The following CCDC102B variants were observed in gnomAD, a reference collection of about 807,000 sequenced individuals.
CCDC102B encodes coiled-coil domain containing 102B, also known as coiled-coil domain-containing protein 102B.
In CCDC102B, 75 loss-of-function variants were observed where a neutral mutation model predicts 57.4. The ratio of observed to expected loss-of-function variants is 1.31; its 90% CI spans 1.08 to 1.58. The LOEUF (loss-of-function observed/expected upper bound fraction) is 1.58. Ranked by LOEUF, CCDC102B falls within the 40% of genes most tolerant of loss-of-function variation. The pLI, the probability that CCDC102B is intolerant of heterozygous loss-of-function variation, is 0.00. For synonymous variants in CCDC102B, 206 were observed against 201.9 expected (o/e 1.02, Z -0.17); for missense variants, 636 against 582.6 (o/e 1.09, Z -0.94).
downstream of CCDC102B, among the ~76,000 whole-genome samples, chr18:69,057,605 G>T (rs572292245): frequency 2.6e-5 from 4 of 152,150 alleles, no homozygotes; most frequent in African/African-American, 9.6e-5. Context: ...GGTTAGAGCA[G>T]GTTATAGGGA....
chr18:68,771,625 C>A (rs574989135), intron 2 of CCDC102B, among the ~76,000 whole-genome samples: 1 of 152,092 alleles, frequency 6.6e-6, no homozygotes, highest in Non-Finnish European at 1.5e-5. Flanking sequence ...AAGCGAGGAG[C>A]GGTAAGGGCT....
rs1169154917 is a variant in CCDC102B at position 69,054,287 on chromosome 18, C to T, written c.*150C>T. 1 of 1,311,112 alleles carries T rather than the reference C, an allele frequency of 7.6e-7. No individual in the cohort carries two copies. Among genetic ancestry groups the T allele is most frequent in the Non-Finnish European group, 9.7e-7 (1 of 1,035,840 alleles). 81.2% of individuals were successfully genotyped at this position (1,311,112 alleles called of 1,614,324 possible). A position where few individuals can be genotyped will look rare whatever the true frequency, so the allele number is the denominator to read the frequency against. On this transcript the variant is annotated 3_prime_UTR_variant, in exon 8 of 8. Transcript: ENST00000360242. ...CACAAATTAATGGGCTTCTTCACTTCTTCTAATTTTTGCCTAACAGATACT... is the reference window on the plus strand; with the variant it reads ...CACAAATTAATGGGCTTCTTCACTTTTTCTAATTTTTGCCTAACAGATACT...
chr18:68,808,392 A>G (rs2036109794), intron 1 of CCDC102B, among the ~76,000 whole-genome samples: 1 of 151,332 alleles, frequency 6.6e-6, no homozygotes, highest in Non-Finnish European at 1.5e-5. Context: ...TGCATGTATT[A>G]ATATTTCTCT....
chr18:68,984,525 A>G (rs907447266), intron 6 of CCDC102B, among the ~76,000 whole-genome samples: 4 of 152,132 alleles, frequency 2.6e-5, no homozygotes, highest in Admixed American at 2.0e-4. Flanking sequence ...TCTCCCTAGA[A>G]ACTATTTTTA....
chr18:68,954,312 C>T (rs867759187), intron 6 of CCDC102B, among the ~76,000 whole-genome samples: 8 of 152,034 alleles, frequency 5.3e-5, no homozygotes, highest in African/African-American at 9.7e-5. Flanking sequence ...CCCAGCTACT[C>T]GGGAGGCTTA....
intron 2 of CCDC102B, among the ~76,000 whole-genome samples, chr18:68,733,503 TA>T (rs1474633034): frequency 3.4e-4 from 28 of 81,226 alleles, no homozygotes; most frequent in African/African-American, 2.1e-3. Context: ...TATATATATA[TA>T]TATTTTTTTA....
chr18:68,752,380 CA>C (rs1478985295), intron 2 of CCDC102B, among the ~76,000 whole-genome samples: 2 of 148,924 alleles, frequency 1.3e-5, no homozygotes, highest in African/African-American at 5.0e-5. Flanking sequence ...AAATAACTGC[CA>C]AAAGTTTTCA....
intron 6 of CCDC102B, among the ~76,000 whole-genome samples, chr18:68,964,549 G>A (rs1430332527): frequency 6.6e-6 from 1 of 151,340 alleles, no homozygotes; most frequent in East Asian, 1.9e-4. Context: ...ATTATCTATT[G>A]GTTAAATTAA....
chr18:68,720,563 T>C (rs1399232455), intron 2 of CCDC102B, among the ~76,000 whole-genome samples: 1 of 152,200 alleles, frequency 6.6e-6, no homozygotes, highest in Admixed American at 6.5e-5. Flanking sequence ...ATGACCCTTA[T>C]AGAAAGAAGA....
intron 2 of CCDC102B, among the ~76,000 whole-genome samples, chr18:68,785,856 G>T (rs1451018780): frequency 6.6e-6 from 1 of 150,708 alleles, no homozygotes; most frequent in Non-Finnish European, 1.5e-5. Flanking sequence ...GTCAATTTTG[G>T]CTTTTGTTGC....
chr18:68,789,349 T>C (rs1261012035), intron 2 of CCDC102B, among the ~76,000 whole-genome samples: 1 of 152,112 alleles, frequency 6.6e-6, no homozygotes, highest in Non-Finnish European at 1.5e-5. Context: ...TGGCGTTCTC[T>C]GTATTTCCTG....
At chr18:68,899,646 T>C (rs2040367798) in intron 6 of CCDC102B, 1 of 152,128 alleles carries the variant, frequency 6.6e-6, no homozygotes, top group African/African-American at 2.4e-5. Context: ...CAAAGGTTTG[T>C]GGCAGACATA....
rs1042727192 is a variant in CCDC102B at position 68,726,979 on chromosome 18, T to C, written c.-67+10385T>C. 5.3e-5 allele frequency among the ~76,000 whole-genome samples: 8 copies of C among 152,184 alleles called. 1 individual carries two copies. Among genetic ancestry groups the C allele is most frequent in the Admixed American group, 2.0e-4 (3 of 15,270 alleles). On this transcript the variant is annotated intron_variant, in intron 2 of 3. Transcript: ENST00000578970. The stretch of plus-strand genomic sequence containing the variant: ...AAGACTACAAGGAAGAAAAGGTTCT[T>C]GCTCCTCTCCCCTCAGACTAAATGA...
At chr18:68,740,210 A>G (rs891672719) in intron 2 of CCDC102B, among the ~76,000 whole-genome samples, 2 of 152,170 alleles carry the variant, frequency 1.3e-5, no homozygotes, top group South Asian at 4.1e-4. Context: ...ATATTGCCCA[A>G]TGTCCCTTAG....
intron 6 of CCDC102B, among the ~76,000 whole-genome samples, chr18:69,007,013 A>G (rs1199209278): frequency 6.6e-6 from 1 of 152,218 alleles, no homozygotes; most frequent in Non-Finnish European, 1.5e-5. Context: ...GTGGATTTAG[A>G]GAGAGAAGGT....
At chr18:69,011,222 T>C in intron 7 of CCDC102B, 118 bp downstream of exon 7, 1 of 841,134 alleles carries the variant, frequency 1.2e-6, no homozygotes, top group South Asian at 2.4e-5. Context: ...ATTCATATCT[T>C]AATGACTGAA....
chr18:68,828,039 G>A (rs1461377208), intron 1 of CCDC102B, among the ~76,000 whole-genome samples: 1 of 151,774 alleles, frequency 6.6e-6, no homozygotes, highest in East Asian at 1.9e-4. Flanking sequence ...GATCCTATAT[G>A]AGTATTAGTA....
intron 6 of CCDC102B, among the ~76,000 whole-genome samples, chr18:68,927,942 G>A (rs1186632648): frequency 6.6e-6 from 1 of 151,832 alleles, no homozygotes; most frequent in Non-Finnish European, 1.5e-5. Context: ...CTTCAGATGG[G>A]TCTGATTTGA....
chr18:68,992,527 G>C (rs1336768585), intron 6 of CCDC102B, among the ~76,000 whole-genome samples: 1 of 152,186 alleles, frequency 6.6e-6, no homozygotes. Context: ...TTCCACACGA[G>C]TAGAGCAGAA....
Sources: allele counts gnomAD v4.1 joint callset (sites outside exome capture counted in the v4.1 genomes callset), GRCh38; gene constraint gnomAD v4.1.1; transcripts MANE v1.5; gene names NCBI Gene and HGNC (gene_info 2026-07-23, HGNC 2026-07-21).